The following HMCN1 variants were observed in gnomAD, a reference collection of about 807,000 sequenced individuals.
HMCN1 encodes hemicentin-1.
HMCN1 carries 321 observed loss-of-function variants against 625.9 expected under a neutral mutation model. The ratio of observed to expected loss-of-function variants is 0.51; its 90% CI spans 0.47 to 0.56. The LOEUF is 0.56. HMCN1 is among the 20% of genes least tolerant of loss of function. The pLI, the probability that HMCN1 is intolerant of heterozygous loss-of-function variation, is 0.00. For missense variants in HMCN1, 6,588 were observed against 6,887.3 expected (o/e 0.96, Z 1.54); for synonymous variants, 2,425 against 2,417.6 (o/e 1.00, Z -0.09).
At chr1:185,995,729 A>G (rs1039718059) in intron 24 of HMCN1, among the ~76,000 whole-genome samples, 3 of 152,094 alleles carry the variant, frequency 2.0e-5, no homozygotes, top group Non-Finnish European at 2.9e-5. Flanking sequence ...AGAGTTGCCT[A>G]TGTTAGATTA....
intron 79 of HMCN1, 41 bp from the exon 80 acceptor site, chr1:186,119,969 GC>G (rs1661321965): frequency 1.9e-6 from 3 of 1,613,630 alleles, no homozygotes; most frequent in Non-Finnish European, 2.5e-6. Context: ...TAATGAACAG[GC>G]TTTTTTTTTT....
intron 1 of HMCN1, among the ~76,000 whole-genome samples, chr1:185,830,394 A>T (rs1184617004): frequency 6.6e-6 from 1 of 152,118 alleles, no homozygotes. Flanking sequence ...TTTACATCGA[A>T]GTTTTTAATC....
chr1:185,960,876 T>C (rs1649971139), intron 11 of HMCN1, among the ~76,000 whole-genome samples: 1 of 152,216 alleles, frequency 6.6e-6, no homozygotes, highest in African/African-American at 2.4e-5. Flanking sequence ...GAAGATTATC[T>C]GCATCATCCC....
At chr1:185,982,201 T>C in intron 17 of HMCN1, 61 bp from the exon 18 acceptor site, 1 of 1,561,140 alleles carries the variant, frequency 6.4e-7, no homozygotes, top group Non-Finnish European at 8.8e-7. Flanking sequence ...GCCTGTGAAG[T>C]GGCTTACCTT....
At chr1:186,085,975 A>G (rs1448625295) in intron 57 of HMCN1, among the ~76,000 whole-genome samples, 1 of 152,186 alleles carries the variant, frequency 6.6e-6, no homozygotes, top group Non-Finnish European at 1.5e-5. Flanking sequence ...ACATTGACAA[A>G]ATCGTCTTAG....
intron 30 of HMCN1, among the ~76,000 whole-genome samples, chr1:186,014,002 A>C (rs1489735444): frequency 3.3e-5 from 5 of 152,176 alleles, no homozygotes; most frequent in Non-Finnish European, 7.4e-5. Context: ...GACTGCCTTC[A>C]AAGGAAAGGG....
chr1:185,871,801 T>C (rs997585715), intron 4 of HMCN1, among the ~76,000 whole-genome samples: 1 of 152,204 alleles, frequency 6.6e-6, no homozygotes, highest in African/African-American at 2.4e-5. Context: ...CTCTTCCCGC[T>C]ATTTTGGCTA....
At position 185,994,860 on chromosome 1, in the gene HMCN1, T is replaced by C. The variant is rs201865736; in HGVS notation, c.3551T>C (p.Val1184Ala). 1,257 of 1,613,714 alleles carry C rather than the reference T, an allele frequency of 7.8e-4. No individual in the cohort carries two copies. The highest frequency in any genetic ancestry group is 9.7e-4 in the Non-Finnish European group (1,146 of 1,179,728). ...QRGPKHLKVQ[V>A]GQRVDIPCNA... Reference sequence around the variant, plus strand: ...GGACCTAAACATCTCAAAGTCCAAGTTGGTCAAAGAGTGGATATTCCATGT... The same window carrying C: ...GGACCTAAACATCTCAAAGTCCAAGCTGGTCAAAGAGTGGATATTCCATGT... Residue 1184 changes from valine to alanine, a missense_variant, in exon 24 of 107, where the codon GTT becomes GCT. By Grantham distance (64) the Val-to-Ala change is moderately conservative. This residue lies in a region of HMCN1 where 4,628 missense variants were observed against 4,853.1 expected (regional missense o/e 0.95). Coordinates refer to ENST00000271588, the MANE Select transcript of HMCN1 (RefSeq NM_031935.3).
intron 95 of HMCN1, among the ~76,000 whole-genome samples, chr1:186,152,179 T>C (rs1020751423): frequency 6.6e-6 from 1 of 152,200 alleles, no homozygotes; most frequent in Non-Finnish European, 1.5e-5. Flanking sequence ...ATCCCTAGTC[T>C]TAAGGAGTAT....
At chr1:186,171,285 T>C (rs1486285778) in intron 100 of HMCN1, 52 bp from the exon 101 acceptor site, 19 of 1,239,582 alleles carry the variant, frequency 1.5e-5, no homozygotes, top group Non-Finnish European at 2.0e-5. Context: ...ACATTTGGGA[T>C]AAATTCAGGT....
In HMCN1 at chr1:186,101,966, C is replaced by T. The variant is rs74493729; in HGVS notation, c.10574-1506C>T. On this transcript the variant is annotated intron_variant, in intron 68 of 106. Coordinates refer to ENST00000271588, the MANE Select transcript of HMCN1 (RefSeq NM_031935.3). ...CAAATGAACTTGAGGACAATGTAACCGTGATGGTACTTGGGCATTCTCAGT... is the reference window on the plus strand; with the variant it reads ...CAAATGAACTTGAGGACAATGTAACTGTGATGGTACTTGGGCATTCTCAGT... Among the ~76,000 whole-genome samples, 484 of 152,056 alleles carry T rather than the reference C, an allele frequency of 3.2e-3. 1 individual carries two copies. The highest frequency in any genetic ancestry group is 0.011 in the African/African-American group (459 of 41,494).
chr1:185,758,353 AG>A (rs1655267947), intron 1 of HMCN1, among the ~76,000 whole-genome samples: 1 of 152,078 alleles, frequency 6.6e-6, no homozygotes, highest in Non-Finnish European at 1.5e-5. Flanking sequence ...AACCTCTTCC[AG>A]GCCAGGTGTG....
At chr1:185,745,696 C>T (rs945085981) in intron 1 of HMCN1, among the ~76,000 whole-genome samples, 1 of 152,198 alleles carries the variant, frequency 6.6e-6, no homozygotes, top group Non-Finnish European at 1.5e-5. Flanking sequence ...GTGAATTTAT[C>T]AAAGTCTCTC....
At chr1:186,103,068 C>T (rs1272522462) in intron 68 of HMCN1, among the ~76,000 whole-genome samples, 1 of 151,994 alleles carries the variant, frequency 6.6e-6, no homozygotes, top group Non-Finnish European at 1.5e-5. Flanking sequence ...ACAGTATTCA[C>T]GCATTGTTTT....
At chr1:186,149,178 G>A (rs1229796771) in intron 93 of HMCN1, among the ~76,000 whole-genome samples, 1 of 152,172 alleles carries the variant, frequency 6.6e-6, no homozygotes, top group Non-Finnish European at 1.5e-5. Context: ...GTTCTTTGGA[G>A]CTTTGAAGCC....
chr1:186,178,058 C>A (rs1652708974), intron 103 of HMCN1, among the ~76,000 whole-genome samples: 1 of 152,128 alleles, frequency 6.6e-6, no homozygotes, highest in Non-Finnish European at 1.5e-5. Flanking sequence ...GGAGACAAGG[C>A]TGAAAACAGA....
At chr1:186,154,820 T>G (rs946691244) in intron 97 of HMCN1, among the ~76,000 whole-genome samples, 2 of 152,214 alleles carry the variant, frequency 1.3e-5, no homozygotes, top group African/African-American at 4.8e-5. Flanking sequence ...ACCCTTGATC[T>G]AAGTAGTCCA....
chr1:186,015,975 G>C lies in HMCN1; in HGVS notation c.4927G>C (p.Gly1643Arg), dbSNP rs1192279083. 8 of 1,613,322 alleles carry C rather than the reference G, an allele frequency of 5.0e-6. No homozygotes were observed. In the South Asian group the frequency reaches 8.8e-5, roughly 18 times the overall value. Residue 1643 changes from glycine (G) to arginine (R), a missense_variant, in exon 32 of 107, where the codon GGC becomes CGC. Gly to Arg is a moderately radical substitution (Grantham distance 125). This residue lies in a region of HMCN1 where 4,628 missense variants were observed against 4,853.1 expected (regional missense o/e 0.95). Coordinates refer to ENST00000271588, the MANE Select transcript of HMCN1 (RefSeq NM_031935.3). Reference sequence around the variant, plus strand: ...CTCCCTAGTTCCTCCAATGATTGAAGGCAACTTGGCCACGCCTTTGAATAA... The same window carrying C: ...CTCCCTAGTTCCTCCAATGATTGAACGCAACTTGGCCACGCCTTTGAATAA... ...VDVYVPPMIEGNLATPLNKQV... is the reference protein window; with the variant it reads ...VDVYVPPMIERNLATPLNKQV...
At chr1:185,836,899 T>G (rs2102300587) in intron 1 of HMCN1, among the ~76,000 whole-genome samples, 1 of 152,180 alleles carries the variant, frequency 6.6e-6, no homozygotes, top group East Asian at 1.9e-4. Flanking sequence ...TCTGTTCCTG[T>G]GTTAGTTTGC....
Sources: allele counts gnomAD v4.1 joint callset (sites outside exome capture counted in the v4.1 genomes callset), GRCh38; gene constraint gnomAD v4.1.1; regional missense constraint gnomAD v4.1.1; transcripts MANE v1.5; gene names NCBI Gene and HGNC (gene_info 2026-07-23, HGNC 2026-07-21).